The following LRP1B variants were observed in gnomAD, a reference collection of about 807,000 sequenced individuals.
LRP1B encodes low-density lipoprotein receptor-related protein 1B.
LRP1B carries 217 observed loss-of-function variants against 556.6 expected under a neutral mutation model. The observed-to-expected ratio is 0.39, with a 90% confidence interval of 0.35 to 0.44. The LOEUF (loss-of-function observed/expected upper bound fraction) is 0.44. LRP1B is among the 20% of genes least tolerant of loss of function. LRP1B has a pLI of 1.00. For synonymous variants in LRP1B, 2,047 were observed against 1,865.8 expected, an observed-to-expected ratio of 1.10 and a Z score of -2.50; for missense variants, 5,053 against 5,620.8, an observed-to-expected ratio of 0.90 and a Z score of 3.23.
intron 2 of LRP1B, among the ~76,000 whole-genome samples, chr2:141,629,527 C>T (rs556018491): frequency 5.9e-5 from 9 of 152,210 alleles, no homozygotes; most frequent in African/African-American, 2.2e-4. Flanking sequence ...GCCTAGGATA[C>T]TTTATAAATA....
chr2:140,602,675 G>A (rs1682718057), intron 41 of LRP1B, among the ~76,000 whole-genome samples: 3 of 151,974 alleles, frequency 2.0e-5, no homozygotes, highest in Middle Eastern at 6.8e-3. Context: ...AGTTTGGGGG[G>A]ATCAATAGGA....
Position 140,629,610 on chromosome 2 carries a change from T to A in LRP1B, c.6800-27971A>T, listed in dbSNP as rs369215614. Among the ~76,000 whole-genome samples the A allele has an allele frequency of 7.2e-5, 11 of 152,080 alleles. No individual in the cohort carries two copies. In the East Asian group the frequency reaches 1.5e-3, roughly 21 times the overall value. ...CATAAAATGGAATACTATGTAGTTG[T>A]CTGAAGAATGAAGTAATCTATTGAT... is the stretch of plus-strand genomic sequence containing the variant. On this transcript the variant is annotated intron_variant, in intron 41 of 90. Coordinates refer to ENST00000389484, the MANE Select transcript of LRP1B (RefSeq NM_018557.3).
At chr2:140,735,419 G>T (rs569087869) in intron 35 of LRP1B, among the ~76,000 whole-genome samples, 14 of 152,246 alleles carry the variant, frequency 9.2e-5, no homozygotes, top group Non-Finnish European at 1.6e-4. Flanking sequence ...TTACAAAGAG[G>T]CTCATAACTC....
intron 59 of LRP1B, 69 bp downstream of exon 59, chr2:140,485,274 A>T (rs2105362171): frequency 8.6e-7 from 1 of 1,167,824 alleles, no homozygotes; most frequent in South Asian, 1.7e-5. Context: ...AATGATCTAT[A>T]GTACTAGATT....
rs1300980381 is a variant in LRP1B, at chr2:141,144,893, C to T, written c.1013+43528G>A. 4.6e-5 allele frequency among the ~76,000 whole-genome samples: 7 copies of T among 152,142 alleles called. 1 individual carries two copies. Among genetic ancestry groups the T allele is most frequent in the Admixed American group, 3.3e-4 (5 of 15,252 alleles). On this transcript the variant is annotated intron_variant, in intron 7 of 90. Coordinates refer to ENST00000389484, the MANE Select transcript of LRP1B (RefSeq NM_018557.3). ...TTGTATGGATAAATGAACATGCACT[C>T]GATTAACTAACTACAGACTAAATGG...
intron 2 of LRP1B, among the ~76,000 whole-genome samples, chr2:141,661,979 G>T (rs1268015023): frequency 6.6e-6 from 1 of 152,162 alleles, no homozygotes; most frequent in African/African-American, 2.4e-5. Flanking sequence ...TAACAGTGGA[G>T]CTCTCAGCAG....
At chr2:140,237,930 C>T (rs1478484011) in intron 89 of LRP1B, among the ~76,000 whole-genome samples, 3 of 150,570 alleles carry the variant, frequency 2.0e-5, no homozygotes, top group African/African-American at 7.3e-5. Context: ...AAGAACTGAG[C>T]AAATAAATAT....
chr2:141,268,197 A>G (rs894599556), intron 3 of LRP1B, among the ~76,000 whole-genome samples: 1 of 152,198 alleles, frequency 6.6e-6, no homozygotes, highest in African/African-American at 2.4e-5. Flanking sequence ...ACAACTGAAC[A>G]TATTCTTCAC....
chr2:141,381,376 A>C (rs942888008), intron 3 of LRP1B, among the ~76,000 whole-genome samples: 1 of 151,790 alleles, frequency 6.6e-6, no homozygotes, highest in Non-Finnish European at 1.5e-5. Context: ...AAAAAAAAAA[A>C]CAGAATGAAA....
At chr2:140,460,620 T>TGTA (rs1687279445) in intron 60 of LRP1B, among the ~76,000 whole-genome samples, 1 of 152,180 alleles carries the variant, frequency 6.6e-6, no homozygotes, top group Non-Finnish European at 1.5e-5. Context: ...ATTTAATAAA[T>TGTA]CTTTCATTTA....
At chr2:141,360,113 T>C (rs1688769175) in intron 3 of LRP1B, among the ~76,000 whole-genome samples, 1 of 152,170 alleles carries the variant, frequency 6.6e-6, no homozygotes, top group Non-Finnish European at 1.5e-5. Flanking sequence ...ACACAAGCAA[T>C]AAGGACTTCC....
At chr2:141,681,510 T>C (rs552036005) in intron 2 of LRP1B, among the ~76,000 whole-genome samples, 1 of 152,286 alleles carries the variant, frequency 6.6e-6, no homozygotes, top group South Asian at 2.1e-4. Context: ...TTTTTCCTGT[T>C]ACTTTATGTG....
intron 51 of LRP1B, among the ~76,000 whole-genome samples, chr2:140,511,066 T>G (rs1486439201): frequency 1.3e-5 from 2 of 152,046 alleles, no homozygotes; most frequent in African/African-American, 4.8e-5. Context: ...AAAAGAAATT[T>G]GTTGAAGTGT....
intron 82 of LRP1B, among the ~76,000 whole-genome samples, chr2:140,321,236 GTTT>G (rs11351284): frequency 2.6e-5 from 4 of 151,002 alleles, no homozygotes; most frequent in African/African-American, 9.7e-5. Context: ...ACTGTTTTGT[GTTT>G]TTTTTATTTT....
chr2:141,890,797 A>T (rs1350918825), intron 1 of LRP1B, among the ~76,000 whole-genome samples: 5 of 152,104 alleles, frequency 3.3e-5, no homozygotes, highest in Non-Finnish European at 7.4e-5. Flanking sequence ...GATATTTATG[A>T]AACTTATGGG....
chr2:140,387,827 A>G (rs753642218), intron 66 of LRP1B, among the ~76,000 whole-genome samples: 1 of 152,174 alleles, frequency 6.6e-6, no homozygotes, highest in Non-Finnish European at 1.5e-5. Context: ...TTTGTACTGA[A>G]CAATTTGGAT....
At chr2:140,573,904 A>ATAAT (rs1446978779) in intron 43 of LRP1B, among the ~76,000 whole-genome samples, 1 of 152,068 alleles carries the variant, frequency 6.6e-6, no homozygotes, top group Non-Finnish European at 1.5e-5. Flanking sequence ...TAGAGTAAAA[A>ATAAT]TAATTAATTA....
chr2:141,001,119 C>T (rs1056761171), intron 15 of LRP1B, among the ~76,000 whole-genome samples: 2 of 152,038 alleles, frequency 1.3e-5, no homozygotes, highest in African/African-American at 4.8e-5. Context: ...GTCCCCTCCC[C>T]CTGTAACTTC....
intron 7 of LRP1B, among the ~76,000 whole-genome samples, chr2:141,166,984 A>C (rs1680294911): frequency 6.6e-6 from 1 of 152,120 alleles, no homozygotes; most frequent in South Asian, 2.1e-4. Context: ...TATACTTCAG[A>C]AACACTAATT....
Sources: gnomAD v4.1 joint callset for allele counts (sites outside exome capture counted in the v4.1 genomes callset) on GRCh38, gnomAD v4.1.1 for gene constraint, MANE v1.5 for transcripts, NCBI Gene and HGNC (gene_info 2026-07-23, HGNC 2026-07-21) for gene names.